The following RASAL2 variants were observed in gnomAD, a reference collection of about 807,000 sequenced individuals.
RASAL2 encodes the protein ras GTPase-activating protein nGAP.
In RASAL2, 58 loss-of-function variants were observed where a neutral mutation model predicts 128.9. The observed-to-expected ratio is 0.45, with a 90% CI of 0.36 to 0.56. RASAL2 has a LOEUF of 0.56. Among genes scored for constraint, RASAL2 ranks in the 20% least tolerant of loss-of-function variants. The pLI is 0.00. For synonymous variants in RASAL2, 561 were observed against 580.8 expected, an observed-to-expected ratio of 0.97 and a Z score of 0.49; for missense variants, 1,360 against 1,601.6, an observed-to-expected ratio of 0.85 and a Z score of 2.57.
chr1:178,325,656 T>C lies in RASAL2; in HGVS notation c.457+25538T>C, dbSNP rs148243267. 1.6e-4 allele frequency among the ~76,000 whole-genome samples: 24 copies of C among 152,318 alleles called. No individual in the cohort carries two copies. In the East Asian group the frequency reaches 4.6e-3, roughly 29 times the overall value. ...AGCCACTAAAAGCTAGAAAGTTTCA[T>C]AGTGGTAGATAGGCTCCCTGAAAGA... is the stretch of plus-strand genomic sequence containing the variant. On this transcript the variant is annotated intron_variant, in intron 3 of 17. Transcript: ENST00000367649.
intron 3 of RASAL2, among the ~76,000 whole-genome samples, chr1:178,352,394 C>A (rs1296191840): frequency 6.6e-6 from 1 of 152,230 alleles, no homozygotes; most frequent in Non-Finnish European, 1.5e-5. Flanking sequence ...CCAAAATAAT[C>A]TCCTTTGACT....
chr1:178,448,062 G>A (rs1484526945), intron 9 of RASAL2, among the ~76,000 whole-genome samples: 2 of 152,146 alleles, frequency 1.3e-5, no homozygotes, highest in African/African-American at 4.8e-5. Context: ...TATGCTTGTG[G>A]AGAGGTTAAA....
At chr1:178,398,350 A>G (rs1238081806) in intron 4 of RASAL2, among the ~76,000 whole-genome samples, 1 of 152,154 alleles carries the variant, frequency 6.6e-6, no homozygotes, top group East Asian at 1.9e-4. Context: ...TATCTTGTTC[A>G]TGTTTGCATA....
At chr1:178,099,027 C>A (rs1658794655) in intron 1 of RASAL2, among the ~76,000 whole-genome samples, 1 of 152,160 alleles carries the variant, frequency 6.6e-6, no homozygotes, top group African/African-American at 2.4e-5. Context: ...TATGATACTG[C>A]TTACGCCTCA....
At chr1:178,450,890 A>T (rs954443662) in intron 9 of RASAL2, among the ~76,000 whole-genome samples, 1 of 152,208 alleles carries the variant, frequency 6.6e-6, no homozygotes, top group African/African-American at 2.4e-5. Context: ...GTAGTCGAAG[A>T]TATACAAGGT....
chr1:178,186,450 A>G (rs1161429540), intron 1 of RASAL2, among the ~76,000 whole-genome samples: 3 of 151,900 alleles, frequency 2.0e-5, no homozygotes, highest in African/African-American at 4.8e-5. Context: ...AAGTGAATTC[A>G]CTCAGCTTTT....
At chr1:178,134,590 A>G (rs933997102) in intron 1 of RASAL2, among the ~76,000 whole-genome samples, 4 of 152,192 alleles carry the variant, frequency 2.6e-5, no homozygotes, top group African/African-American at 9.6e-5. Flanking sequence ...CAGCAAAAAC[A>G]ATAGCCAACG....
At chr1:178,425,581 AT>A (rs369021367) in intron 5 of RASAL2, among the ~76,000 whole-genome samples, 10,460 of 150,324 alleles carry the variant, frequency 0.07, 1,137 homozygotes, top group African/African-American at 0.23. Context: ...AGGTAGAATT[AT>A]TTTTTTTTTC....
intron 3 of RASAL2, among the ~76,000 whole-genome samples, chr1:178,355,453 AT>A (rs1670751726): frequency 6.6e-6 from 1 of 152,202 alleles, no homozygotes; most frequent in Admixed American, 6.5e-5. Context: ...GAAGTGGATT[AT>A]TTCTTAACAA....
chr1:178,209,868 T>C (rs1663193243), intron 1 of RASAL2, among the ~76,000 whole-genome samples: 1 of 152,066 alleles, frequency 6.6e-6, no homozygotes, highest in African/African-American at 2.4e-5. Context: ...TCTTACTTCA[T>C]CTCCATTTCC....
chr1:178,182,457 G>A (rs978131174), intron 1 of RASAL2, among the ~76,000 whole-genome samples: 3 of 152,094 alleles, frequency 2.0e-5, no homozygotes, highest in African/African-American at 4.8e-5. Context: ...GTTGCTTCTA[G>A]GTCCTCTCTG....
At chr1:178,296,337 G>A (rs540327385) in intron 2 of RASAL2, among the ~76,000 whole-genome samples, 2 of 152,046 alleles carry the variant, frequency 1.3e-5, no homozygotes, top group African/African-American at 4.8e-5. Flanking sequence ...CTATAAAATG[G>A]AATGAAATTA....
intron 3 of RASAL2, among the ~76,000 whole-genome samples, chr1:178,311,237 G>A (rs893139741): frequency 3.8e-5 from 4 of 105,124 alleles, no homozygotes; most frequent in African/African-American, 1.2e-4. Context: ...GAAGAAAACA[G>A]CCATACACAC....
intron 1 of RASAL2, among the ~76,000 whole-genome samples, chr1:178,248,958 G>A: frequency 6.6e-6 from 1 of 152,062 alleles, no homozygotes. Flanking sequence ...CTTTCTCTCT[G>A]GCTGCCCTTA....
chr1:178,449,251 C>T (rs1311727227), intron 9 of RASAL2, among the ~76,000 whole-genome samples: 1 of 152,126 alleles, frequency 6.6e-6, no homozygotes, highest in Non-Finnish European at 1.5e-5. Flanking sequence ...CTTGAATCTT[C>T]CATCTATTAT....
intron 1 of RASAL2, among the ~76,000 whole-genome samples, chr1:178,176,537 T>A (rs1021070520): frequency 3.3e-5 from 5 of 152,214 alleles, no homozygotes; most frequent in African/African-American, 1.2e-4. Context: ...AGCCTCAGAA[T>A]CTTCTTAATA....
At chr1:178,362,411 A>C (rs189985082) in intron 3 of RASAL2, among the ~76,000 whole-genome samples, 31 of 152,144 alleles carry the variant, frequency 2.0e-4, no homozygotes, top group Admixed American at 1.3e-3. Flanking sequence ...CCAGCAAATT[A>C]ACATATCTGT....
intron 3 of RASAL2, among the ~76,000 whole-genome samples, chr1:178,339,504 G>A (rs1669757987): frequency 6.6e-6 from 1 of 152,104 alleles, no homozygotes; most frequent in African/African-American, 2.4e-5. Context: ...CTAGAAAGTG[G>A]CCGAAATTCA....
intron 1 of RASAL2, among the ~76,000 whole-genome samples, chr1:178,153,400 A>G (rs370307044): frequency 6.6e-6 from 1 of 152,366 alleles, no homozygotes; most frequent in African/African-American, 2.4e-5. Flanking sequence ...CAACTATTAC[A>G]GCAATCTAAT....
Sources: allele counts gnomAD v4.1 joint callset (sites outside exome capture counted in the v4.1 genomes callset), GRCh38; gene constraint gnomAD v4.1.1; transcripts MANE v1.5; gene names NCBI Gene and HGNC (gene_info 2026-07-23, HGNC 2026-07-21).